Variants in DOCK1 observed in about 807,000 individuals in gnomAD.
The protein encoded by DOCK1 is dedicator of cytokinesis protein 1.
In DOCK1, 138 loss-of-function variants were observed where a neutral mutation model predicts 262.7. The observed-to-expected ratio is 0.53, with a 90% CI of 0.46 to 0.61. DOCK1 has a LOEUF of 0.61. Ranked by LOEUF, DOCK1 falls within the 20% of genes least tolerant of loss-of-function variation. The pLI, the probability that DOCK1 is intolerant of heterozygous loss-of-function variation, is 0.00. For synonymous variants in DOCK1, 866 were observed against 867.4 expected (o/e 1.00, Z 0.03); for missense variants, 1,908 against 2,370.7 (o/e 0.80, Z 4.05).
At chr10:127,323,070 C>G (rs2062605427) in intron 29 of DOCK1, among the ~76,000 whole-genome samples, 1 of 152,052 alleles carries the variant, frequency 6.6e-6, no homozygotes, top group South Asian at 2.1e-4. Context: ...TCGATCAATG[C>G]GAGCTCCCTT....
At position 126,977,988 on chromosome 10, in the gene DOCK1, G is replaced by A; in HGVS notation, c.171G>A (p.Lys57=). 3 of 1,613,630 alleles carry A rather than the reference G, an allele frequency of 1.9e-6. No individual in the cohort carries two copies. The highest frequency in any genetic ancestry group is 2.7e-5 in the African/African-American group (2 of 74,880). The change falls in exon 3 of 52, where the codon AAG becomes AAA. Residue 57 remains lysine, a splice_region_variant and synonymous_variant. Transcript: ENST00000623213. ...RGYTLRKKSK[K]GIFPASYIHL... ...ACACGTTACGAAAAAAGTCTAAGAAGGTAAGTCCTTCTTCTTAAACACAGT... is the reference window on the plus strand; with the variant it reads ...ACACGTTACGAAAAAAGTCTAAGAAAGTAAGTCCTTCTTCTTAAACACAGT...
chr10:126,967,958 T>TGC (rs1035711229), intron 1 of DOCK1, among the ~76,000 whole-genome samples: 7 of 152,046 alleles, frequency 4.6e-5, no homozygotes, highest in African/African-American at 1.7e-4. Context: ...GGATTACAGG[T>TGC]GCGCACCACC....
intron 15 of DOCK1, 182 bp from the exon 16 acceptor site, chr10:127,026,170 G>T (rs1376046606): frequency 1.7e-5 from 10 of 592,858 alleles, no homozygotes; most frequent in Admixed American, 3.2e-5. Context: ...GTTACAATAT[G>T]ATACAAAATT....
At chr10:127,247,239 GT>G (rs1554929819) in intron 27 of DOCK1, among the ~76,000 whole-genome samples, 2 of 152,114 alleles carry the variant, frequency 1.3e-5, no homozygotes, top group Non-Finnish European at 2.9e-5. Flanking sequence ...GATTTTCTGT[GT>G]TGCTTTCTTT....
chr10:126,915,711 A>G (rs891864089), intron 1 of DOCK1, among the ~76,000 whole-genome samples: 1 of 152,182 alleles, frequency 6.6e-6, no homozygotes, highest in Admixed American at 6.5e-5. Context: ...TTGGCCTCCC[A>G]AAGTGCTGGG....
intron 29 of DOCK1, among the ~76,000 whole-genome samples, chr10:127,335,744 T>C (rs2063162751): frequency 6.6e-6 from 1 of 150,662 alleles, no homozygotes; most frequent in African/African-American, 2.4e-5. Context: ...AGATGGAGTC[T>C]CACTCTGTCG....
intron 47 of DOCK1, among the ~76,000 whole-genome samples, chr10:127,428,632 ATGTGGATTGGAGTGCCG>A (rs1337062616): frequency 6.6e-5 from 5 of 76,164 alleles, no homozygotes; most frequent in African/African-American, 1.0e-4. Context: ...TTGGGGTGTC[ATGTGGATTGGAGTGCCG>A]TGTGGATTGG....
chr10:127,405,735 G>T (rs1445716279), intron 40 of DOCK1, among the ~76,000 whole-genome samples: 1 of 152,196 alleles, frequency 6.6e-6, no homozygotes, highest in African/African-American at 2.4e-5. Flanking sequence ...GTTCTGGCCT[G>T]CTCTAGGAGG....
intron 1 of DOCK1, among the ~76,000 whole-genome samples, chr10:126,948,526 G>A (rs1432545930): frequency 2.0e-5 from 3 of 151,878 alleles, no homozygotes; most frequent in Admixed American, 6.6e-5. Context: ...CCTTTTGAGG[G>A]CATCTGGATG....
chr10:127,258,227 G>A (rs1174817063), intron 29 of DOCK1, among the ~76,000 whole-genome samples: 1 of 152,042 alleles, frequency 6.6e-6, no homozygotes, highest in Non-Finnish European at 1.5e-5. Flanking sequence ...CCACCGTGAA[G>A]CCACTGAGTG....
At chr10:127,019,197 G>T (rs558742313) in intron 13 of DOCK1, among the ~76,000 whole-genome samples, 10 of 152,174 alleles carry the variant, frequency 6.6e-5, no homozygotes, top group Non-Finnish European at 1.3e-4. Flanking sequence ...TTGGATGGTC[G>T]CTGAATGGAA....
chr10:127,106,192 C>G (rs2048518140), intron 23 of DOCK1, 39 bp from the exon 24 acceptor site: 2 of 1,556,922 alleles, frequency 1.3e-6, no homozygotes, highest in African/African-American at 2.7e-5. Flanking sequence ...CACTCCCTAA[C>G]CTGCATGCTG....
intron 16 of DOCK1, 170 bp downstream of exon 16, chr10:127,026,594 T>A (rs2042882680): frequency 3.0e-6 from 2 of 667,740 alleles, no homozygotes; most frequent in Non-Finnish European, 5.1e-6. Flanking sequence ...CTTGAGCAGA[T>A]CTCAGGAGGA....
intron 27 of DOCK1, among the ~76,000 whole-genome samples, chr10:127,208,144 T>C (rs998542757): frequency 2.0e-5 from 3 of 152,314 alleles, no homozygotes; most frequent in Admixed American, 2.0e-4. Context: ...ATACAAACAA[T>C]TGGGAATAGT....
intron 51 of DOCK1, among the ~76,000 whole-genome samples, chr10:127,450,747 AAGCC>A (rs1191180913): frequency 1.3e-5 from 2 of 152,166 alleles, no homozygotes; most frequent in South Asian, 2.1e-4. Flanking sequence ...CCATGAGCTG[AAGCC>A]AGCCAGCCAG....
chr10:127,435,574 T>G (rs1225184382), intron 48 of DOCK1, among the ~76,000 whole-genome samples: 1 of 152,188 alleles, frequency 6.6e-6, no homozygotes, highest in Non-Finnish European at 1.5e-5. Flanking sequence ...TTAATTCAAC[T>G]TCTCCCCGAG....
chr10:126,948,704 G>T (rs967696352), intron 1 of DOCK1, among the ~76,000 whole-genome samples: 3 of 152,036 alleles, frequency 2.0e-5, no homozygotes, highest in Non-Finnish European at 2.9e-5. Flanking sequence ...CTCGGAGCCT[G>T]TGATGCGGGC....
intron 27 of DOCK1, among the ~76,000 whole-genome samples, chr10:127,216,887 T>C (rs2058238169): frequency 6.6e-6 from 1 of 152,200 alleles, no homozygotes. Context: ...CTTTTTCTTT[T>C]TGTGGTGAGT....
intron 23 of DOCK1, among the ~76,000 whole-genome samples, chr10:127,075,792 T>G (rs1468132122): frequency 1.3e-5 from 2 of 152,108 alleles, no homozygotes; most frequent in Admixed American, 6.5e-5. Context: ...ACCCGACACG[T>G]GGGGATTACA....
Sources: gnomAD v4.1 joint callset for allele counts (sites outside exome capture counted in the v4.1 genomes callset) on GRCh38, gnomAD v4.1.1 for gene constraint, MANE v1.5 for transcripts, NCBI Gene and HGNC (gene_info 2026-07-23, HGNC 2026-07-21) for gene names.